SPPL2A: variants seen among roughly 807,000 people sequenced by gnomAD.
SPPL2A encodes signal peptide peptidase like 2A, also known as signal peptide peptidase-like 2A.
Under a neutral mutation model 63.8 loss-of-function variants are expected in SPPL2A, and 51 were observed. The observed-to-expected ratio is 0.80, with a 90% CI of 0.64 to 1.01. The LOEUF (loss-of-function observed/expected upper bound fraction) is 1.01, where lower values mean the gene tolerates loss of function less well. Ranked by LOEUF, SPPL2A falls within the 50% of genes least tolerant of loss-of-function variation. The pLI is 0.00. For synonymous variants in SPPL2A, 188 were observed against 205.8 expected, an observed-to-expected ratio of 0.91 and a Z score of 0.74; for missense variants, 553 against 622.7, an observed-to-expected ratio of 0.89 and a Z score of 1.19.
chr15:50,718,879 T>C (rs1370530869), intron 14 of SPPL2A, among the ~76,000 whole-genome samples: 4 of 152,118 alleles, frequency 2.6e-5, no homozygotes, highest in African/African-American at 9.7e-5. Context: ...TTTGTTCACG[T>C]GTCAACTGAC....
At chr15:50,757,316 T>G (rs538317727) in intron 1 of SPPL2A, among the ~76,000 whole-genome samples, 28 of 151,994 alleles carry the variant, frequency 1.8e-4, no homozygotes, top group Admixed American at 3.3e-4. Context: ...TCTCCTGACC[T>G]CGTGATCCGC....
At chr15:50,740,807 C>T (rs1170393341) in intron 5 of SPPL2A, among the ~76,000 whole-genome samples, 3 of 152,098 alleles carry the variant, frequency 2.0e-5, no homozygotes, top group African/African-American at 4.8e-5. Flanking sequence ...GACGGGGTTT[C>T]ACCATGTTGC....
chr15:50,759,751 A>G (rs1387565699), intron 1 of SPPL2A, among the ~76,000 whole-genome samples: 2 of 152,058 alleles, frequency 1.3e-5, no homozygotes, highest in Non-Finnish European at 2.9e-5. Flanking sequence ...TCAAAAAAAA[A>G]AAAAGAAAGA....
At chr15:50,763,617 C>T (rs2063031524) in intron 1 of SPPL2A, among the ~76,000 whole-genome samples, 1 of 152,012 alleles carries the variant, frequency 6.6e-6, no homozygotes, top group Non-Finnish European at 1.5e-5. Flanking sequence ...GGCCTAAAAT[C>T]GCCGGGCATG....
intron 11 of SPPL2A, chr15:50,725,561 G>A (rs2141029803): frequency 3.2e-6 from 1 of 312,828 alleles, no homozygotes; most frequent in East Asian, 7.5e-5. Context: ...CTCCCAAGTA[G>A]CTGGGATTAC....
chr15:50,749,897 A>G lies in SPPL2A; in HGVS notation c.67-151T>C, dbSNP rs2062893356. 3 of 618,978 alleles carry G rather than the reference A, an allele frequency of 4.8e-6. No individual in the cohort carries two copies. The South Asian group carries it at 5.7e-5, about 12-fold the overall frequency. 38.3% of individuals were successfully genotyped at this position (618,978 alleles called of 1,614,324 possible). ...TTGTTTCTTCTTGTTTGAGGAAATAAAAAGGATGGTTAGGAATATTAAAAC... is the reference window on the plus strand; with the variant it reads ...TTGTTTCTTCTTGTTTGAGGAAATAGAAAGGATGGTTAGGAATATTAAAAC... On this transcript the variant is annotated intron_variant, in intron 1 of 14. Transcript: ENST00000261854.
In SPPL2A at chr15:50,748,154, TC is replaced by T; in HGVS notation, c.408del (p.Ile137LeufsTer4). Reference sequence around the variant, plus strand: ...AAGTCTTTGTAGCTTATAAATGCAATCAGTATTTTCACATCAGGAAATTCAG... The same window carrying T: ...AAGTCTTTGTAGCTTATAAATGCAATAGTATTTTCACATCAGGAAATTCAG... ...NRSEFPDVKI[L>X]IAFISYKDFR... On this transcript the variant is annotated frameshift_variant, in exon 4 of 15. Transcript: ENST00000261854. LOFTEE classifies it high-confidence loss of function. 6.6e-7 allele frequency: 1 copy of T among 1,513,202 alleles called. No individual in the cohort carries two copies. The highest frequency in any genetic ancestry group is 8.8e-7 in the Non-Finnish European group (1 of 1,130,712). The allele number at this position is 1,513,202 out of a possible 1,614,324, so 93.7% of individuals were successfully genotyped here.
intron 14 of SPPL2A, among the ~76,000 whole-genome samples, chr15:50,712,526 T>C (rs954214494): frequency 3.3e-5 from 5 of 152,072 alleles, no homozygotes; most frequent in Non-Finnish European, 7.4e-5. Flanking sequence ...ACCAGGCATG[T>C]AAAAGCTCCC....
chr15:50,728,724 A>T (rs1596383382), intron 10 of SPPL2A, among the ~76,000 whole-genome samples: 1 of 150,692 alleles, frequency 6.6e-6, no homozygotes, highest in Non-Finnish European at 1.5e-5. Flanking sequence ...GCTCACTGTA[A>T]CCTCCGCTCC....
Position 50,729,996 on chromosome 15 carries a change from T to TAAAAAAAAA in SPPL2A, c.1089+960_1089+968dup, listed in dbSNP as rs10658387. ...ACTTCAGCCTCAAGACTCGGCCTTT[T>TAAAAAAAAA]AAAAAAAAAGAAGGAATGATAAATA... On this transcript the variant is annotated intron_variant, in intron 10 of 14. Transcript: ENST00000261854. Among the ~76,000 whole-genome samples, 161 of 146,888 alleles carry TAAAAAAAAA rather than the reference T, an allele frequency of 1.1e-3. 1 individual carries two copies. Among genetic ancestry groups the TAAAAAAAAA allele is most frequent in the Admixed American group, 2.1e-3 (31 of 14,808 alleles).
chr15:50,727,602 GCA>G (rs2062696148), intron 10 of SPPL2A, among the ~76,000 whole-genome samples: 1 of 152,108 alleles, frequency 6.6e-6, no homozygotes, highest in Admixed American at 6.6e-5. Flanking sequence ...ACAATACTGA[GCA>G]CAGTGGTGGA....
Position 50,765,513 on chromosome 15 carries a change from C to T in SPPL2A, c.21G>A (p.Leu7=). Reference sequence around the variant, plus strand: ...AGAGTAGGGCGGCCCCGGCAGGGGACAGCCGCCGCTGCGGCCCCATCGGAC... The same window carrying T: ...AGAGTAGGGCGGCCCCGGCAGGGGATAGCCGCCGCTGCGGCCCCATCGGAC... MGPQRR[L]SPAGAALLWG... is the part of the protein sequence containing the mutation. The change falls in exon 1 of 15, where the codon CTG becomes CTA. Residue 7 remains leucine, a synonymous_variant. Transcript: ENST00000261854. The T allele has an allele frequency of 6.7e-7, 1 of 1,499,804 alleles. No individual in the cohort carries two copies. Among genetic ancestry groups the T allele is most frequent in the Non-Finnish European group, 8.8e-7 (1 of 1,132,188 alleles). The allele number at this position is 1,499,804 out of a possible 1,614,324, so 92.9% of individuals were successfully genotyped here.
intron 14 of SPPL2A, 52 bp from the exon 15 acceptor site, chr15:50,707,926 A>G (rs752029408): frequency 1.8e-5 from 16 of 891,840 alleles, no homozygotes; most frequent in South Asian, 5.4e-5. Context: ...CTTGCCCCCA[A>G]TATTCACTAC....
chr15:50,757,129 C>G (rs1261700285), intron 1 of SPPL2A, among the ~76,000 whole-genome samples: 1 of 141,162 alleles, frequency 7.1e-6, no homozygotes, highest in Non-Finnish European at 1.5e-5. Context: ...GTCGCCCAGG[C>G]TGGAGTGCAG....
At position 50,739,841 on chromosome 15, in the gene SPPL2A, A is replaced by C; in HGVS notation, c.585-13T>G. 1 of 1,572,412 alleles carries C rather than the reference A, an allele frequency of 6.4e-7. No homozygotes were observed. The highest frequency in any genetic ancestry group is 8.6e-7 in the Non-Finnish European group (1 of 1,167,016). On this transcript the variant is annotated splice_polypyrimidine_tract_variant and intron_variant, in intron 5 of 14. Transcript: ENST00000261854. Reference sequence around the variant, plus strand: ...TTTCAAGTTTTCCCTGTACAAACACACAGGAACTTTAGCAAATCTTAGCCA... The same window carrying C: ...TTTCAAGTTTTCCCTGTACAAACACCCAGGAACTTTAGCAAATCTTAGCCA...
Position 50,748,725 on chromosome 15 carries a change from C to T in SPPL2A, c.323G>A (p.Gly108Asp). The part of the protein sequence containing the change: ...LEKARIAQKG[G>D]AEAMLVVNNS... ...ATTGACAACTAACATTGCTTCAGCA[C>T]CTCCTTTCTGTGCAATTCTGGCTTT... Residue 108 changes from glycine (G) to aspartate (D), a missense_variant, in exon 3 of 15, where the codon GGT (glycine) becomes GAT (aspartate). By Grantham distance (94) the Gly-to-Asp change is moderately conservative (BLOSUM62 -1). Transcript: ENST00000261854. The T allele has an allele frequency of 1.8e-5, 29 of 1,610,702 alleles. No homozygotes were observed. Among genetic ancestry groups the T allele is most frequent in the Non-Finnish European group, 2.5e-5 (29 of 1,178,726 alleles).
At chr15:50,720,173 T>G (rs1596378608) in intron 13 of SPPL2A, 73 bp from the exon 14 acceptor site, 11 of 1,194,402 alleles carry the variant, frequency 9.2e-6, no homozygotes, top group African/African-American at 1.5e-5. Context: ...CTGTCATTTA[T>G]GTACTGGTTT....
Sources: allele counts gnomAD v4.1 joint callset (sites outside exome capture counted in the v4.1 genomes callset), GRCh38; gene constraint gnomAD v4.1.1; transcripts MANE v1.5; gene names NCBI Gene and HGNC (gene_info 2026-07-23, HGNC 2026-07-21).